The following MTBP variants were observed in gnomAD, a reference collection of about 807,000 sequenced individuals.
MTBP encodes MDM2 binding protein, also known as mdm2-binding protein.
MTBP carries 101 observed loss-of-function variants against 117.0 expected under a neutral mutation model. That is an observed-to-expected ratio of 0.86 (90% CI 0.73 to 1.02). The LOEUF is 1.02. Among genes scored for constraint, MTBP ranks in the 50% least tolerant of loss-of-function variants. MTBP has a pLI of 0.00. For synonymous variants in MTBP, 350 were observed against 351.5 expected, an observed-to-expected ratio of 1.00 and a Z score of 0.05; for missense variants, 970 against 1,030.9, an observed-to-expected ratio of 0.94 and a Z score of 0.81.
At chr8:120,508,010 A>G (rs895899702) in intron 16 of MTBP, among the ~76,000 whole-genome samples, 3 of 152,156 alleles carry the variant, frequency 2.0e-5, no homozygotes, top group Non-Finnish European at 4.4e-5. Context: ...GATGCATTGT[A>G]GGGGAGATAA....
chr8:120,460,678 A>G (rs1010807394), intron 8 of MTBP, among the ~76,000 whole-genome samples: 1 of 151,974 alleles, frequency 6.6e-6, no homozygotes, highest in Admixed American at 6.6e-5. Flanking sequence ...TCTCTCTGTA[A>G]TTTATTTAGT....
At chr8:120,464,318 T>C (rs1813641609) in intron 10 of MTBP, among the ~76,000 whole-genome samples, 1 of 152,036 alleles carries the variant, frequency 6.6e-6, no homozygotes, top group Non-Finnish European at 1.5e-5. Flanking sequence ...ATAAAGAATT[T>C]TAAGTGGACT....
chr8:120,523,357 G>A lies in MTBP; in HGVS notation c.*21G>A. On this transcript the variant is annotated 3_prime_UTR_variant, in exon 22 of 22. Transcript: ENST00000305949. ...AATGATACATAATCATTCTCTTTAA[G>A]ACAATTATAAATTGGATGGAGCTAT... The A allele has an allele frequency of 2.0e-6, 3 of 1,471,694 alleles. No homozygotes were observed. Among genetic ancestry groups the A allele is most frequent in the Non-Finnish European group, 2.8e-6 (3 of 1,080,924 alleles). The allele number at this position is 1,471,694 out of a possible 1,614,324, so 91.2% of individuals were successfully genotyped here. A position where few individuals can be genotyped will look rare whatever the true frequency, so the allele number is the denominator to read the frequency against.
At chr8:120,468,116 A>AT (rs1291077269) in intron 10 of MTBP, among the ~76,000 whole-genome samples, 1 of 152,036 alleles carries the variant, frequency 6.6e-6, no homozygotes, top group Non-Finnish European at 1.5e-5. Flanking sequence ...AATTAGATAT[A>AT]TTTTTTATAT....
intron 14 of MTBP, 127 bp downstream of exon 14, chr8:120,497,681 C>G: frequency 3.3e-6 from 2 of 610,590 alleles, no homozygotes; most frequent in Non-Finnish European, 2.8e-6. Flanking sequence ...ATAATAGATA[C>G]TTATATAGAT....
intron 15 of MTBP, 86 bp from the exon 16 acceptor site, chr8:120,506,620 C>T (rs1052217514): frequency 1.1e-4 from 114 of 1,067,644 alleles, no homozygotes; most frequent in Non-Finnish European, 1.1e-4. Flanking sequence ...CTTCTTTTCC[C>T]GACTGTGCTT....
intron 14 of MTBP, among the ~76,000 whole-genome samples, chr8:120,500,053 G>A (rs1814551727): frequency 6.6e-6 from 1 of 152,044 alleles, no homozygotes; most frequent in Non-Finnish European, 1.5e-5. Context: ...GGTTATAATG[G>A]CCTCAATTCA....
chr8:120,449,622 G>A (rs1220255042), intron 2 of MTBP, among the ~76,000 whole-genome samples: 1 of 152,032 alleles, frequency 6.6e-6, no homozygotes, highest in Non-Finnish European at 1.5e-5. Flanking sequence ...GATTGCTTAC[G>A]GATAGTAGGG....
Position 120,518,766 on chromosome 8 carries a change from T to A in MTBP, c.2559T>A (p.Cys853Ter). 1 of 1,612,084 alleles carries A rather than the reference T, an allele frequency of 6.2e-7. No individual in the cohort carries two copies. The highest frequency in any genetic ancestry group is 8.5e-7 in the Non-Finnish European group (1 of 1,178,728). ...KKHSITETHE[C>*]FTACSQRLFE... is the part of the protein sequence containing the mutation. ...ACAGTATTACCGAGACTCATGAATG[T>A]TTCACTGCATGCAGCCAGCGTCTCT... Residue 853 changes from cysteine (C) to a stop codon, truncating the protein, a stop_gained, in exon 20 of 22, where the codon TGT (cysteine) becomes TGA (stop). Transcript: ENST00000305949. LOFTEE classifies it high-confidence loss of function.
intron 9 of MTBP, among the ~76,000 whole-genome samples, chr8:120,461,490 C>T (rs183132427): frequency 8.5e-4 from 130 of 152,224 alleles, no homozygotes; most frequent in African/African-American, 3.0e-3. Context: ...ATCTTCCTCC[C>T]TATGCAAGCA....
At chr8:120,472,859 A>T (rs548763234) in intron 11 of MTBP, 1 of 152,208 alleles carries the variant, frequency 6.6e-6, no homozygotes, top group Non-Finnish European at 1.5e-5. Context: ...AAAGTCTACC[A>T]TAGGTGCCTG....
At chr8:120,463,641 T>C in intron 9 of MTBP, 51 bp from the exon 10 acceptor site, 1 of 1,373,484 alleles carries the variant, frequency 7.3e-7, no homozygotes, top group Non-Finnish European at 1.0e-6. Context: ...TTTTAAGGAG[T>C]ACATTGTTTC....
chr8:120,502,117 T>A (rs535070293), intron 14 of MTBP, among the ~76,000 whole-genome samples: 64 of 152,332 alleles, frequency 4.2e-4, no homozygotes, highest in African/African-American at 1.4e-3. Context: ...ATTTCTAGTA[T>A]GAAAATCACA....
intron 14 of MTBP, among the ~76,000 whole-genome samples, chr8:120,500,715 A>G (rs1333060974): frequency 1.3e-5 from 2 of 152,228 alleles, no homozygotes; most frequent in Non-Finnish European, 2.9e-5. Context: ...GTAAAAGGAA[A>G]ATAAGATGCA....
intron 17 of MTBP, 129 bp from the exon 18 acceptor site, chr8:120,515,796 C>A: frequency 1.1e-6 from 1 of 877,426 alleles, no homozygotes; most frequent in Non-Finnish European, 1.7e-6. Context: ...AGCCACTCAA[C>A]CTTCCAGCAA....
Position 120,453,920 on chromosome 8 carries a change from C to A in MTBP, c.484+15C>A. ...TCCTGCTCCTGGTAATATTTTATGA[C>A]TGCTTTCAATAATTTGTATCTTATC... On this transcript the variant is annotated intron_variant, in intron 5 of 21. Coordinates refer to ENST00000305949, the MANE Select transcript of MTBP (RefSeq NM_022045.5). 6.7e-7 allele frequency: 1 copy of A among 1,498,214 alleles called. No homozygotes were observed. The highest frequency in any genetic ancestry group is 1.2e-5 in the South Asian group (1 of 81,174). The allele number at this position is 1,498,214 out of a possible 1,614,324, so 92.8% of individuals were successfully genotyped here.
At chr8:120,490,440 C>CTTTTTTTTTTTTTTTTT in intron 12 of MTBP, 23 bp from the exon 13 acceptor site, 1 of 1,321,598 alleles carries the variant, frequency 7.6e-7, no homozygotes, top group Non-Finnish European at 1.1e-6. Flanking sequence ...TAATGTTGAC[C>CTTTTTTTTTTTTTTTTT]TTTTTTTTTT....
At position 120,523,494 on chromosome 8, in the gene MTBP, A is replaced by G. The variant is rs1034594051; in HGVS notation, c.*158A>G. 7.5e-6 allele frequency: 3 copies of G among 400,084 alleles called. No individual in the cohort carries two copies. The highest frequency in any genetic ancestry group is 4.2e-5 in the African/African-American group (2 of 48,072). 24.8% of individuals were successfully genotyped at this position (400,084 alleles called of 1,614,324 possible). ...TCATGAATATATATTCTATATTTGT[A>G]TAGTTTGAGGGATGCTATGTTAATG... On this transcript the variant is annotated 3_prime_UTR_variant, in exon 22 of 22. Coordinates refer to ENST00000305949, the MANE Select transcript of MTBP (RefSeq NM_022045.5).
At position 120,445,446 on chromosome 8, in the gene MTBP, A is replaced by T; in HGVS notation, c.-25A>T. On this transcript the variant is annotated 5_prime_UTR_variant, in exon 1 of 22. Coordinates refer to ENST00000305949, the MANE Select transcript of MTBP (RefSeq NM_022045.5). ...GTTTGGATGTGGAAGCCGAGACCTA[A>T]AGTTGGGGGGTGATCTCTGAGGAGA... 6.3e-7 allele frequency: 1 copy of T among 1,598,058 alleles called. No individual in the cohort carries two copies.
Sources: allele counts gnomAD v4.1 joint callset (sites outside exome capture counted in the v4.1 genomes callset), GRCh38; gene constraint gnomAD v4.1.1; transcripts MANE v1.5; gene names NCBI Gene and HGNC (gene_info 2026-07-23, HGNC 2026-07-21).